Variants in LAMA3 observed in about 807,000 individuals in gnomAD.
LAMA3 encodes laminin subunit alpha 3.
Under a neutral mutation model 402.0 loss-of-function variants are expected in LAMA3, and 281 were observed. The ratio of observed to expected loss-of-function variants is 0.70; its 90% CI spans 0.63 to 0.77. The LOEUF (loss-of-function observed/expected upper bound fraction) is 0.77. LAMA3 is among the 30% of genes least tolerant of loss of function. The pLI is 0.00. For missense variants in LAMA3, 3,840 were observed against 4,215.5 expected (o/e 0.91, Z 2.47); for synonymous variants, 1,431 against 1,558.4 (o/e 0.92, Z 1.93).
intron 63 of LAMA3, 82 bp from the exon 64 acceptor site, chr18:23,928,543 T>A (rs2082074780): frequency 7.6e-7 from 1 of 1,320,834 alleles, no homozygotes; most frequent in East Asian, 2.3e-5. Context: ...TCAGTTTGAG[T>A]AAAGTGAGAT....
intron 52 of LAMA3, among the ~76,000 whole-genome samples, chr18:23,906,106 A>C (rs1054402399): frequency 3.9e-5 from 6 of 152,180 alleles, no homozygotes; most frequent in African/African-American, 1.4e-4. Context: ...TATCAATTTC[A>C]TGTATCCACC....
At chr18:23,822,863 G>A (rs2063312835) in intron 20 of LAMA3, among the ~76,000 whole-genome samples, 1 of 152,186 alleles carries the variant, frequency 6.6e-6, no homozygotes, top group Non-Finnish European at 1.5e-5. Context: ...CTGCAAACCT[G>A]ACTCAGGGAT....
chr18:23,726,485 G>A (rs942833167), intron 2 of LAMA3, among the ~76,000 whole-genome samples: 2 of 152,216 alleles, frequency 1.3e-5, no homozygotes, highest in African/African-American at 2.4e-5. Flanking sequence ...TGGCTCAGGC[G>A]CTGGGCAGGG....
chr18:23,780,849 G>C (rs1234520779), intron 11 of LAMA3, among the ~76,000 whole-genome samples: 1 of 152,148 alleles, frequency 6.6e-6, no homozygotes, highest in East Asian at 1.9e-4. Flanking sequence ...CAGGCATTGG[G>C]TCACTGTCAA....
chr18:23,693,384 T>C (rs1043086387), intron 1 of LAMA3, among the ~76,000 whole-genome samples: 2 of 152,226 alleles, frequency 1.3e-5, no homozygotes, highest in African/African-American at 4.8e-5. Context: ...CATATGTAGT[T>C]ACCTATACTG....
intron 36 of LAMA3, among the ~76,000 whole-genome samples, chr18:23,866,206 T>C (rs974528945): frequency 6.6e-6 from 1 of 152,344 alleles, no homozygotes; most frequent in Non-Finnish European, 1.5e-5. Context: ...CACATCCTAC[T>C]TTGAATTCCC....
intron 61 of LAMA3, 54 bp from the exon 62 acceptor site, chr18:23,921,398 A>G: frequency 6.3e-7 from 1 of 1,591,404 alleles, no homozygotes; most frequent in Non-Finnish European, 8.6e-7. Flanking sequence ...AACCCCTGTG[A>G]ATAGGATTCT....
At chr18:23,939,101 C>G (rs1322230295) in intron 67 of LAMA3, 122 bp from the exon 68 acceptor site, 6 of 1,010,258 alleles carry the variant, frequency 5.9e-6, no homozygotes, top group Non-Finnish European at 9.2e-6. Flanking sequence ...TGGTACCAGG[C>G]CTTCTATTGC....
chr18:23,929,323 C>T (rs1407918018), intron 64 of LAMA3, among the ~76,000 whole-genome samples: 2 of 152,182 alleles, frequency 1.3e-5, no homozygotes, highest in African/African-American at 2.4e-5. Flanking sequence ...GCAGATTTAG[C>T]TAGTGTGGTT....
chr18:23,903,252 T>C (rs1314787074), intron 49 of LAMA3, 127 bp downstream of exon 49: 6 of 684,182 alleles, frequency 8.8e-6, no homozygotes, highest in East Asian at 2.7e-5. Flanking sequence ...GAAGAGAATA[T>C]AATGAAATGT....
intron 32 of LAMA3, among the ~76,000 whole-genome samples, chr18:23,850,125 C>T (rs1323117767): frequency 1.3e-5 from 2 of 152,076 alleles, no homozygotes; most frequent in African/African-American, 4.8e-5. Flanking sequence ...ATCAGAGATA[C>T]CTAGAGTTTA....
intron 34 of LAMA3, among the ~76,000 whole-genome samples, chr18:23,860,261 C>CTTTTTTTTTTTTTTTT (rs59852195): frequency 8.9e-6 from 1 of 112,650 alleles, no homozygotes; most frequent in Non-Finnish European, 1.8e-5. Context: ...CTTTTCTTTT[C>CTTTTTTTTTTTTTTTT]TTTTTTTTTT....
chr18:23,953,144 C>G, intron 74 of LAMA3, 35 bp downstream of exon 74: 1 of 1,612,000 alleles, frequency 6.2e-7, no homozygotes, highest in Non-Finnish European at 8.5e-7. Flanking sequence ...ATGTGTTGCC[C>G]TGTGTCAGCT....
chr18:23,882,037 C>T lies in LAMA3; in HGVS notation c.5214C>T (p.His1738=), dbSNP rs1194436408. Residue 1738 remains histidine (H), a synonymous_variant, in exon 40 of 75, where the codon CAC becomes CAT. Transcript: ENST00000313654. The part of the protein sequence containing the change: ...HGSCRACPCP[H]TNSFATGCVV... ...CCTGCAGGGCCTGCCCATGTCCTCA[C>T]ACTAACAGGTACCGTAGCAGCTTGA... The T allele has an allele frequency of 6.2e-7, 1 of 1,610,870 alleles. No individual in the cohort carries two copies. Among genetic ancestry groups the T allele is most frequent in the Non-Finnish European group, 8.5e-7 (1 of 1,177,232 alleles).
intron 8 of LAMA3, among the ~76,000 whole-genome samples, chr18:23,773,101 C>T (rs2062236869): frequency 6.6e-6 from 1 of 152,366 alleles, no homozygotes; most frequent in Admixed American, 6.5e-5. Flanking sequence ...TGTAAATGCA[C>T]ACATGACCCT....
At chr18:23,785,685 A>T (rs1278739257) in intron 12 of LAMA3, among the ~76,000 whole-genome samples, 1 of 152,162 alleles carries the variant, frequency 6.6e-6, no homozygotes, top group Non-Finnish European at 1.5e-5. Flanking sequence ...CCTGAATCCC[A>T]TACCCCAAAC....
chr18:23,698,929 A>G (rs2060737958), intron 1 of LAMA3, among the ~76,000 whole-genome samples: 1 of 152,156 alleles, frequency 6.6e-6, no homozygotes, highest in Non-Finnish European at 1.5e-5. Flanking sequence ...GAGAATAAAC[A>G]GGATTCTGTG....
chr18:23,863,631 G>A (rs916175224), intron 35 of LAMA3, among the ~76,000 whole-genome samples: 1 of 152,212 alleles, frequency 6.6e-6, no homozygotes, highest in East Asian at 1.9e-4. Flanking sequence ...AGCTCTGTAA[G>A]GCTTTGTCAG....
intron 55 of LAMA3, 142 bp downstream of exon 55, chr18:23,909,437 A>T (rs528707557): frequency 1.3e-6 from 1 of 794,262 alleles, no homozygotes; most frequent in South Asian, 1.4e-5. Context: ...GAATATAAAG[A>T]TTGATTTTCT....
Sources: allele counts gnomAD v4.1 joint callset (sites outside exome capture counted in the v4.1 genomes callset), GRCh38; gene constraint gnomAD v4.1.1; transcripts MANE v1.5; gene names NCBI Gene and HGNC (gene_info 2026-07-23, HGNC 2026-07-21).